The following NR2F1-AS1 variants were observed in gnomAD, a reference collection of about 807,000 sequenced individuals.
NR2F1-AS1 encodes NR2F1 antisense RNA 1.
intron 4 of NR2F1-AS1, among the ~76,000 whole-genome samples, chr5:93,532,159 T>C (rs762246848): frequency 1.7e-4 from 26 of 152,138 alleles, no homozygotes; most frequent in Non-Finnish European, 3.2e-4. Flanking sequence ...CCTACAATTG[T>C]CCCAAGTTTT....
chr5:93,470,732 A>C (rs1042362263), intron 4 of NR2F1-AS1, among the ~76,000 whole-genome samples: 7 of 151,912 alleles, frequency 4.6e-5, no homozygotes, highest in African/African-American at 1.4e-4. Flanking sequence ...ACAGAAAAAC[A>C]GACATTTGCA....
At chr5:93,450,890 G>A (rs1021108505) in intron 4 of NR2F1-AS1, among the ~76,000 whole-genome samples, 1 of 141,134 alleles carries the variant, frequency 7.1e-6, no homozygotes, top group Admixed American at 7.2e-5. Flanking sequence ...ATTCTCTCCT[G>A]GGCAACACAG....
At chr5:93,532,691 T>C (rs1046510775) in intron 4 of NR2F1-AS1, among the ~76,000 whole-genome samples, 1 of 152,244 alleles carries the variant, frequency 6.6e-6, no homozygotes, top group Non-Finnish European at 1.5e-5. Context: ...GCAGGACATA[T>C]CCAGGTCACC....
intron 4 of NR2F1-AS1, among the ~76,000 whole-genome samples, chr5:93,532,289 GA>G (rs892138166): frequency 5.3e-5 from 8 of 150,646 alleles, no homozygotes; most frequent in Admixed American, 2.0e-4. Context: ...CTGTCCCTAG[GA>G]AAAAAAAAGT....
In NR2F1-AS1 at chr5:93,564,058, C is replaced by A. The variant is rs1012663766; in HGVS notation, n.314-595G>T. ...TGGAGCTTACAATGAGTGGAGATCA[C>A]GCCACTGTACTCCAGCCTGGGTGAC... On this transcript the variant is annotated intron_variant and non_coding_transcript_variant, in intron 1 of 5. Coordinates refer to ENST00000660523, the Ensembl canonical transcript of NR2F1-AS1. Among the ~76,000 whole-genome samples the A allele has an allele frequency of 2.4e-4, 30 of 124,974 alleles. No homozygotes were observed. The East Asian group carries it at 7.4e-3, about 31-fold the overall frequency. 82.0% of individuals were successfully genotyped at this position (124,974 alleles called of 152,430 possible).
chr5:93,582,003 TTCTC>T (rs144073259), upstream of NR2F1-AS1, among the ~76,000 whole-genome samples: 52 of 91,480 alleles, frequency 5.7e-4, 1 homozygote, highest in African/African-American at 1.3e-3. Flanking sequence ...CTCTCCTCTC[TTCTC>T]TCTCTCTCTC....
At chr5:93,526,789 T>C (rs182157329) in intron 4 of NR2F1-AS1, among the ~76,000 whole-genome samples, 2 of 152,260 alleles carry the variant, frequency 1.3e-5, no homozygotes, top group African/African-American at 4.8e-5. Flanking sequence ...TTCGATAAAA[T>C]TTAACACCCC....
intron 4 of NR2F1-AS1, among the ~76,000 whole-genome samples, chr5:93,511,382 T>G (rs1751292256): frequency 6.6e-6 from 1 of 152,162 alleles, no homozygotes; most frequent in African/African-American, 2.4e-5. Flanking sequence ...TCCTTCAGAT[T>G]CAGAATCACG....
intron 4 of NR2F1-AS1, among the ~76,000 whole-genome samples, chr5:93,484,687 G>A (rs570618130): frequency 1.3e-5 from 2 of 151,166 alleles, no homozygotes; most frequent in African/African-American, 4.9e-5. Flanking sequence ...ACCCATCAAT[G>A]TGCTGTATTC....
chr5:93,457,422 G>A (rs925505761), intron 4 of NR2F1-AS1, among the ~76,000 whole-genome samples: 7 of 152,174 alleles, frequency 4.6e-5, no homozygotes, highest in South Asian at 4.1e-4. Context: ...GTCACAGCAC[G>A]TGTTTCTGCC....
intron 4 of NR2F1-AS1, among the ~76,000 whole-genome samples, chr5:93,550,428 C>A (rs1752199523): frequency 2.0e-5 from 3 of 152,180 alleles, no homozygotes; most frequent in African/African-American, 4.8e-5. Context: ...GGCCTCATTG[C>A]AAATTGGGTA....
chr5:93,565,486 A>G (rs1168772085), intron 1 of NR2F1-AS1, among the ~76,000 whole-genome samples: 1 of 152,158 alleles, frequency 6.6e-6, no homozygotes, highest in Non-Finnish European at 1.5e-5. Flanking sequence ...AGCAAAAAGG[A>G]TAACTGCCAA....
chr5:93,508,382 C>T (rs1459039489), intron 4 of NR2F1-AS1, among the ~76,000 whole-genome samples: 1 of 151,722 alleles, frequency 6.6e-6, no homozygotes, highest in Non-Finnish European at 1.5e-5. Context: ...ATTGAGGAAA[C>T]GAAAAGTTAT....
intron 4 of NR2F1-AS1, among the ~76,000 whole-genome samples, chr5:93,499,263 C>A (rs1751027171): frequency 6.6e-6 from 1 of 152,124 alleles, no homozygotes; most frequent in African/African-American, 2.4e-5. Context: ...GAAGTACAGG[C>A]ATATCTCACT....
intron 4 of NR2F1-AS1, among the ~76,000 whole-genome samples, chr5:93,459,814 G>T (rs2149862547): frequency 6.6e-6 from 1 of 152,134 alleles, no homozygotes; most frequent in African/African-American, 2.4e-5. Context: ...TCTTCTGAGT[G>T]GAAAGGACTC....
intron 4 of NR2F1-AS1, among the ~76,000 whole-genome samples, chr5:93,501,883 T>C (rs960833935): frequency 1.3e-5 from 2 of 151,944 alleles, no homozygotes; most frequent in Admixed American, 1.3e-4. Context: ...AAAGACAGAG[T>C]CAATCGATAG....
At chr5:93,510,487 CGGCTAGTCA>C (rs1561475685) in intron 4 of NR2F1-AS1, among the ~76,000 whole-genome samples, 1 of 152,064 alleles carries the variant, frequency 6.6e-6, no homozygotes, top group African/African-American at 2.4e-5. Flanking sequence ...AATACATGAT[CGGCTAGTCA>C]ATGATCCATG....
chr5:93,463,547 G>A (rs1375565576), intron 4 of NR2F1-AS1, among the ~76,000 whole-genome samples: 1 of 152,050 alleles, frequency 6.6e-6, no homozygotes, highest in Non-Finnish European at 1.5e-5. Context: ...GCCCCAGAGT[G>A]GTAGATCCAC....
At chr5:93,472,296 G>A (rs2149870801) in intron 4 of NR2F1-AS1, among the ~76,000 whole-genome samples, 1 of 151,902 alleles carries the variant, frequency 6.6e-6, no homozygotes, top group South Asian at 2.1e-4. Context: ...TGAATTTGCT[G>A]ATCATTAATA....
Sources: allele counts gnomAD v4.1 joint callset (sites outside exome capture counted in the v4.1 genomes callset), GRCh38; gene constraint gnomAD v4.1.1; transcripts MANE v1.5; gene names NCBI Gene and HGNC (gene_info 2026-07-23, HGNC 2026-07-21).